Variants in PRTG observed in about 807,000 individuals in gnomAD.
PRTG encodes the protein immunoglobulin superfamily, DCC subclass, member 5.
Under a neutral mutation model 122.5 loss-of-function variants are expected in PRTG, and 67 were observed. The observed-to-expected ratio is 0.55, with a 90% CI of 0.45 to 0.67. PRTG has a LOEUF of 0.67. PRTG is among the 30% of genes least tolerant of loss of function. PRTG has a pLI of 0.00. For missense variants in PRTG, 1,435 were observed against 1,415.4 expected, an observed-to-expected ratio of 1.01 and a Z score of -0.22; for synonymous variants, 554 against 501.1, an observed-to-expected ratio of 1.11 and a Z score of -1.41.
chr15:55,742,146 G>C (rs888752378), intron 1 of PRTG: 3 of 152,290 alleles, frequency 2.0e-5, no homozygotes, highest in African/African-American at 7.2e-5. Flanking sequence ...AGCTGTAGGA[G>C]ATAAATCCTA....
chr15:55,698,871 G>A (rs1296392157), intron 2 of PRTG, among the ~76,000 whole-genome samples: 1 of 151,800 alleles, frequency 6.6e-6, no homozygotes, highest in Non-Finnish European at 1.5e-5. Context: ...GGAGAGGGGA[G>A]AGAGTGCGGG....
intron 2 of PRTG, among the ~76,000 whole-genome samples, chr15:55,698,932 CCTT>C (rs762451307): frequency 9.9e-5 from 15 of 152,014 alleles, no homozygotes; most frequent in Non-Finnish European, 1.6e-4. Context: ...CTGCTCTTCC[CCTT>C]CTTCTCATAA....
rs1177790790 is a variant in PRTG at position 55,647,816 on chromosome 15, G to A, written c.2042-6608C>T. 7.9e-5 allele frequency among the ~76,000 whole-genome samples: 12 copies of A among 152,126 alleles called. No individual in the cohort carries two copies. The East Asian group carries it at 1.9e-3, about 24-fold the overall frequency. On this transcript the variant is annotated intron_variant, in intron 11 of 19. Transcript: ENST00000389286. ...ACAAGATCTAGAGAACAGAATATCC[G>A]CAAATTAGCAATTGGCAAATACTGA...
intron 11 of PRTG, among the ~76,000 whole-genome samples, chr15:55,660,103 T>C (rs939868862): frequency 2.0e-5 from 3 of 152,186 alleles, no homozygotes; most frequent in African/African-American, 4.8e-5. Context: ...ATATTATGTA[T>C]GTTATAAAAT....
chr15:55,622,686 C>T (rs542162858), intron 18 of PRTG, among the ~76,000 whole-genome samples: 27 of 151,638 alleles, frequency 1.8e-4, no homozygotes, highest in African/African-American at 5.3e-4. Context: ...CCACCGCGCC[C>T]GGCCACACCT....
At chr15:55,693,824 G>A (rs955167601) in intron 2 of PRTG, among the ~76,000 whole-genome samples, 3 of 152,102 alleles carry the variant, frequency 2.0e-5, no homozygotes, top group Non-Finnish European at 4.4e-5. Flanking sequence ...GTGCAGGCTC[G>A]GGAATAGTGA....
intron 18 of PRTG, among the ~76,000 whole-genome samples, chr15:55,622,970 A>C (rs1340051982): frequency 1.3e-5 from 2 of 152,252 alleles, no homozygotes; most frequent in African/African-American, 4.8e-5. Flanking sequence ...AAAGAGAAAT[A>C]GCAAATATTC....
chr15:55,730,717 A>C (rs1196356152), intron 2 of PRTG, among the ~76,000 whole-genome samples: 1 of 151,982 alleles, frequency 6.6e-6, no homozygotes, highest in Non-Finnish European at 1.5e-5. Context: ...GGAGAATGGC[A>C]TGCACCCGGG....
chr15:55,678,996 C>T (rs1378051623), intron 7 of PRTG, among the ~76,000 whole-genome samples: 1 of 152,208 alleles, frequency 6.6e-6, no homozygotes, highest in African/African-American at 2.4e-5. Flanking sequence ...GGTAACTTAA[C>T]TCTAGTGGTG....
At chr15:55,707,263 G>A (rs1267177260) in intron 2 of PRTG, among the ~76,000 whole-genome samples, 1 of 152,038 alleles carries the variant, frequency 6.6e-6, no homozygotes, top group East Asian at 1.9e-4. Context: ...GAACATTTAA[G>A]GTTATCTCAA....
chr15:55,677,006 T>G (rs1297414582), intron 8 of PRTG, among the ~76,000 whole-genome samples: 1 of 152,194 alleles, frequency 6.6e-6, no homozygotes, highest in Non-Finnish European at 1.5e-5. Flanking sequence ...TTTGAATTTG[T>G]TTTTAACGTA....
chr15:55,645,689 C>G (rs888035471), intron 11 of PRTG, among the ~76,000 whole-genome samples: 1 of 152,048 alleles, frequency 6.6e-6, no homozygotes, highest in African/African-American at 2.4e-5. Flanking sequence ...CAAAGACCCT[C>G]CAACGCCTAT....
chr15:55,626,994 C>T lies in PRTG; in HGVS notation c.2927+14G>A, dbSNP rs1186800276. The T allele has an allele frequency of 5.0e-6, 8 of 1,591,958 alleles. No individual in the cohort carries two copies. Among genetic ancestry groups the T allele is most frequent in the Admixed American group, 1.8e-5 (1 of 54,998 alleles). Reference sequence around the variant, plus strand: ...ATGTTTTTCACCTCAACATCTCTAGCAATGGAAACACACCTGGCTTTACTT... The same window carrying T: ...ATGTTTTTCACCTCAACATCTCTAGTAATGGAAACACACCTGGCTTTACTT... On this transcript the variant is annotated intron_variant, in intron 17 of 19. Transcript: ENST00000389286.
At chr15:55,679,678 T>G (rs1167205416) in intron 6 of PRTG, 1 of 450,038 alleles carries the variant, frequency 2.2e-6, no homozygotes, top group Admixed American at 3.8e-5. Context: ...ACTTAAAATA[T>G]ATGTACCTAT....
rs779943955 is a variant in PRTG at position 55,672,426 on chromosome 15, A to C, written c.2041+19T>G. Reference sequence around the variant, plus strand: ...AGAGAGGAAGGAAAAAGGGAAAAATACAGTACAAACTCACTCACCTAAGCC... The same window carrying C: ...AGAGAGGAAGGAAAAAGGGAAAAATCCAGTACAAACTCACTCACCTAAGCC... On this transcript the variant is annotated intron_variant, in intron 11 of 19. Coordinates refer to ENST00000389286, the MANE Select transcript of PRTG (RefSeq NM_173814.6). The C allele has an allele frequency of 6.3e-7, 1 of 1,582,714 alleles. No homozygotes were observed. The highest frequency in any genetic ancestry group is 1.9e-5 in the Admixed American group (1 of 53,404).
chr15:55,710,832 G>C (rs1567110403), intron 2 of PRTG, among the ~76,000 whole-genome samples: 1 of 152,064 alleles, frequency 6.6e-6, no homozygotes, highest in Non-Finnish European at 1.5e-5. Context: ...AAAAGGAAAA[G>C]TGAAATCTTG....
intron 2 of PRTG, among the ~76,000 whole-genome samples, chr15:55,733,835 AAACAACAAC>A (rs370070328): frequency 2.0e-5 from 3 of 152,054 alleles, no homozygotes; most frequent in Admixed American, 6.6e-5. Context: ...TCAACAACAA[AAACAACAAC>A]AACAACAACA....
At chr15:55,736,793 G>T (rs2031426593) in intron 2 of PRTG, among the ~76,000 whole-genome samples, 1 of 152,098 alleles carries the variant, frequency 6.6e-6, no homozygotes, top group Non-Finnish European at 1.5e-5. Context: ...ATATAAGCTA[G>T]CTTTATGTTC....
chr15:55,686,496 C>T (rs1000693153), intron 2 of PRTG, among the ~76,000 whole-genome samples: 2 of 152,132 alleles, frequency 1.3e-5, no homozygotes. Flanking sequence ...GTATTCAATT[C>T]AAGATGTTTT....
Sources: allele counts gnomAD v4.1 joint callset (sites outside exome capture counted in the v4.1 genomes callset), GRCh38; gene constraint gnomAD v4.1.1; transcripts MANE v1.5; gene names NCBI Gene and HGNC (gene_info 2026-07-23, HGNC 2026-07-21).